Variants in NEK4 observed in about 807,000 individuals in gnomAD.
NEK4 encodes the protein serine/threonine-protein kinase Nek4.
Under a neutral mutation model 98.4 loss-of-function variants are expected in NEK4, and 86 were observed. The observed-to-expected ratio is 0.87, with a 90% confidence interval of 0.73 to 1.05. The LOEUF is 1.05. Among genes scored for constraint, NEK4 ranks in the 50% least tolerant of loss-of-function variants. The pLI, the probability that NEK4 is intolerant of heterozygous loss-of-function variation, is 0.00. For synonymous variants in NEK4, 328 were observed against 342.2 expected (o/e 0.96, Z 0.46); for missense variants, 898 against 950.3 (o/e 0.94, Z 0.72).
At chr3:52,725,926 G>C (rs908024535) in intron 15 of NEK4, among the ~76,000 whole-genome samples, 6 of 151,788 alleles carry the variant, frequency 4.0e-5, no homozygotes, top group African/African-American at 1.5e-4. Flanking sequence ...GAAATTGGCA[G>C]AATGGATTTA....
At chr3:52,748,826 T>C (rs1372471531) in intron 8 of NEK4, among the ~76,000 whole-genome samples, 1 of 152,170 alleles carries the variant, frequency 6.6e-6, no homozygotes, top group African/African-American at 2.4e-5. Context: ...CTCACACCCG[T>C]AATCACAGCA....
intron 5 of NEK4, among the ~76,000 whole-genome samples, chr3:52,762,747 G>T (rs1698403586): frequency 6.6e-6 from 1 of 152,190 alleles, no homozygotes; most frequent in African/African-American, 2.4e-5. Flanking sequence ...CGGGCACGGT[G>T]GCGGGTGCCT....
rs754541947 is a variant in NEK4, at chr3:52,763,660, G to A, written c.667-36C>T. 1.1e-5 allele frequency: 16 copies of A among 1,484,024 alleles called. No individual in the cohort carries two copies. In the South Asian group the frequency reaches 1.8e-4, roughly 16 times the overall value. 91.9% of individuals were successfully genotyped at this position (1,484,024 alleles called of 1,614,324 possible). ...AAATAATATTGTAATTATGACTAAT[G>A]GTCTTGTGAAACAAAGTAAAAGCTG... On this transcript the variant is annotated intron_variant, in intron 4 of 15. Transcript: ENST00000233027.
intron 6 of NEK4, among the ~76,000 whole-genome samples, chr3:52,753,165 A>C (rs962120010): frequency 6.6e-6 from 1 of 151,848 alleles, no homozygotes; most frequent in Non-Finnish European, 1.5e-5. Context: ...TTAGCTGGGC[A>C]TGGTGGCAAG....
chr3:52,733,574 A>G (rs1016110255), intron 15 of NEK4: 5 of 511,768 alleles, frequency 9.8e-6, no homozygotes, highest in Admixed American at 8.1e-5. Flanking sequence ...CACGGCATCA[A>G]ATAATTCATA....
chr3:52,744,015 A>G (rs2097391180), intron 11 of NEK4, among the ~76,000 whole-genome samples: 1 of 152,112 alleles, frequency 6.6e-6, no homozygotes, highest in Admixed American at 6.6e-5. Flanking sequence ...CCCTCTTGTT[A>G]TTTCTTTAAT....
intron 15 of NEK4, among the ~76,000 whole-genome samples, chr3:52,715,871 G>A (rs2097354687): frequency 6.6e-6 from 1 of 152,246 alleles, no homozygotes; most frequent in South Asian, 2.1e-4. Flanking sequence ...GAAGAGGAGA[G>A]AAGAGCTGTG....
chr3:52,733,865 CAA>C (rs1412465108), intron 15 of NEK4: 1 of 313,246 alleles, frequency 3.2e-6, no homozygotes, highest in Non-Finnish European at 6.3e-6. Flanking sequence ...CTTACAGATG[CAA>C]AAATGTGGCA....
At chr3:52,743,524 G>A (rs1053877603) in intron 11 of NEK4, 63 bp from the exon 12 acceptor site, 2 of 1,270,712 alleles carry the variant, frequency 1.6e-6, no homozygotes, top group African/African-American at 2.9e-5. Context: ...AAAGGGCTTT[G>A]TATTTGGTAT....
At chr3:52,757,314 T>C (rs893623261) in intron 6 of NEK4, among the ~76,000 whole-genome samples, 1 of 152,150 alleles carries the variant, frequency 6.6e-6, no homozygotes, top group African/African-American at 2.4e-5. Flanking sequence ...TTCTAGCACT[T>C]TGGGAGGCCA....
intron 7 of NEK4, among the ~76,000 whole-genome samples, chr3:52,750,764 C>T (rs1215863670): frequency 6.9e-6 from 1 of 144,586 alleles, no homozygotes; most frequent in African/African-American, 2.5e-5. Flanking sequence ...AAGGCCCCAT[C>T]TCTCTACAAG....
At chr3:52,752,413 G>C in intron 6 of NEK4, 77 bp from the exon 7 acceptor site, 1 of 1,400,756 alleles carries the variant, frequency 7.1e-7, no homozygotes, top group South Asian at 1.4e-5. Context: ...TGCAACAAGA[G>C]GTTCCTCAAA....
Position 52,764,778 on chromosome 3 carries a change from G to GCGCACA in NEK4, c.666+1108_666+1109insTGTGCG, listed in dbSNP as rs148227214. Among the ~76,000 whole-genome samples, 30 of 145,120 alleles carry GCGCACA rather than the reference G, an allele frequency of 2.1e-4. No individual in the cohort carries two copies. In the East Asian group the frequency reaches 3.6e-3, roughly 17 times the overall value. ...CGTGCGCATGCACACACACACACAT[G>GCGCACA]CACACACACACACACACACACACAC... On this transcript the variant is annotated intron_variant, in intron 4 of 15. Transcript: ENST00000233027.
intron 15 of NEK4, among the ~76,000 whole-genome samples, chr3:52,713,622 C>G (rs1423248248): frequency 6.6e-6 from 1 of 151,842 alleles, no homozygotes; most frequent in Non-Finnish European, 1.5e-5. Context: ...TGGAGAAACC[C>G]TGTCTCTACT....
intron 10 of NEK4, among the ~76,000 whole-genome samples, chr3:52,745,036 C>G (rs1042563825): frequency 4.6e-5 from 7 of 151,830 alleles, no homozygotes; most frequent in African/African-American, 1.7e-4. Flanking sequence ...CTGCCTCAGC[C>G]TCTCGAATAG....
intron 15 of NEK4, among the ~76,000 whole-genome samples, chr3:52,725,770 C>A (rs1429231457): frequency 6.7e-6 from 1 of 149,564 alleles, no homozygotes; most frequent in Non-Finnish European, 1.5e-5. Flanking sequence ...CAAAAAAAAT[C>A]AACTAAACAC....
chr3:52,734,401 TATCATGCCA>T (rs1319067257), intron 15 of NEK4, among the ~76,000 whole-genome samples: 3 of 138,380 alleles, frequency 2.2e-5, no homozygotes, highest in Non-Finnish European at 4.6e-5. Context: ...GGTGAGCCAA[TATCATGCCA>T]CTGCACTCCA....
rs140931278 is a variant in NEK4, at chr3:52,765,928, T to C, written c.625A>G (p.Lys209Glu). The change falls in exon 4 of 16, where the codon AAA becomes GAA. Residue 209 changes from lysine to glutamate, a missense_variant. By Grantham distance (56) the Lys-to-Glu change is moderately conservative (BLOSUM62 1). Coordinates refer to ENST00000233027, the MANE Select transcript of NEK4 (RefSeq NM_003157.6). ...CGATAAACTAAAGAATTCATATCTT[T>C]TGCATTGAAAGCATGCTTCAAGGTG... ...MATLKHAFNAKDMNSLVYRII... is the reference protein window; with the variant it reads ...MATLKHAFNAEDMNSLVYRII... 2.7e-4 allele frequency: 439 copies of C among 1,612,118 alleles called. 1 individual carries two copies. In the African/African-American group the frequency reaches 5.2e-3, roughly 19 times the overall value.
chr3:52,769,374 G>A (rs1698698071), intron 1 of NEK4, among the ~76,000 whole-genome samples: 1 of 152,130 alleles, frequency 6.6e-6, no homozygotes, highest in African/African-American at 2.4e-5. Context: ...AAGTTTAATA[G>A]TCACTGATCT....
Sources: allele counts gnomAD v4.1 joint callset (sites outside exome capture counted in the v4.1 genomes callset), GRCh38; gene constraint gnomAD v4.1.1; transcripts MANE v1.5; gene names NCBI Gene and HGNC (gene_info 2026-07-23, HGNC 2026-07-21).